The following CREB1 variants were observed in gnomAD, a reference collection of about 807,000 sequenced individuals.
The protein encoded by CREB1 is cyclic AMP-responsive element-binding protein 1.
In CREB1, 2 loss-of-function variants were observed where a neutral mutation model predicts 42.0. That is an observed-to-expected ratio of 0.05 (90% CI 0.02 to 0.15). The LOEUF (loss-of-function observed/expected upper bound fraction) is 0.15, where lower values mean the gene tolerates loss of function less well. Among genes scored for constraint, CREB1 ranks in the 10% least tolerant of loss-of-function variants. The pLI is 1.00. For missense variants in CREB1, 199 were observed against 388.9 expected, an observed-to-expected ratio of 0.51 and a Z score of 4.11; for synonymous variants, 123 against 139.9, an observed-to-expected ratio of 0.88 and a Z score of 0.85.
chr2:207,590,719 G>A (rs556243658), intron 7 of CREB1, among the ~76,000 whole-genome samples: 5 of 152,158 alleles, frequency 3.3e-5, no homozygotes, highest in East Asian at 1.9e-4. Flanking sequence ...CAACTCTGCC[G>A]TTGTAATACC....
intron 1 of CREB1, among the ~76,000 whole-genome samples, chr2:207,552,177 A>C (rs890267380): frequency 6.6e-6 from 1 of 152,166 alleles, no homozygotes; most frequent in Admixed American, 6.6e-5. Flanking sequence ...TGTTTTAAAA[A>C]GAAATATCGA....
At chr2:207,532,056 T>C (rs1198100981) in intron 1 of CREB1, among the ~76,000 whole-genome samples, 3 of 152,234 alleles carry the variant, frequency 2.0e-5, no homozygotes, top group Non-Finnish European at 4.4e-5. Flanking sequence ...TAGAATTTTT[T>C]TTCTTGTTAA....
intron 5 of CREB1, among the ~76,000 whole-genome samples, chr2:207,571,021 C>CTTTTTTTTT (rs1559044431): frequency 6.0e-5 from 1 of 16,684 alleles, no homozygotes; most frequent in Admixed American, 1.0e-3. Context: ...TCTCTTTTTC[C>CTTTTTTTTT]CTTTTTTTTT....
In CREB1 at chr2:207,544,933, G is replaced by A. The variant is rs535009864; in HGVS notation, c.-8-10695G>A. On this transcript the variant is annotated intron_variant, in intron 1 of 7. Transcript: ENST00000353267. ...TTATGGCTGCATAGTATTTCATGGT[G>A]TGTATGTACCACATTTTCTTTAGTC... Among the ~76,000 whole-genome samples, 5 of 152,318 alleles carry A rather than the reference G, an allele frequency of 3.3e-5. No individual in the cohort carries two copies. The East Asian group carries it at 9.6e-4, about 29-fold the overall frequency.
rs1246030944 is a variant in CREB1 at position 207,598,553 on chromosome 2, T to A, written c.*1495T>A. On this transcript the variant is annotated 3_prime_UTR_variant, in exon 8 of 8. Transcript: ENST00000353267. ...AAACTGACATAATGTTAGGTTATAA[T>A]TTCTCATTTGGAGCCGGGCGCAGTG... 5.6e-6 allele frequency: 1 copy of A among 178,062 alleles called. No individual in the cohort carries two copies. Among genetic ancestry groups the A allele is most frequent in the African/African-American group, 2.4e-5 (1 of 42,214 alleles). The allele number at this position is 178,062 out of a possible 1,614,324, so 11.0% of individuals were successfully genotyped here.
chr2:207,569,348 A>T (rs2082261730), intron 4 of CREB1, among the ~76,000 whole-genome samples: 1 of 152,146 alleles, frequency 6.6e-6, no homozygotes, highest in African/African-American at 2.4e-5. Context: ...ACAATTCCTT[A>T]TATCGGGATT....
chr2:207,598,643 T>G lies in CREB1; in HGVS notation c.*1585T>G, dbSNP rs1276649755. On this transcript the variant is annotated 3_prime_UTR_variant, in exon 8 of 8. Transcript: ENST00000353267. ...GGGTGGATCACCTGTGGTCAAGAGT[T>G]CAAGACCAGCCTGGCCATCATGGTG... 1 of 167,466 alleles carries G rather than the reference T, an allele frequency of 6.0e-6. No individual in the cohort carries two copies. The highest frequency in any genetic ancestry group is 2.4e-5 in the African/African-American group (1 of 41,892). 10.4% of individuals were successfully genotyped at this position (167,466 alleles called of 1,614,324 possible).
intron 4 of CREB1, among the ~76,000 whole-genome samples, chr2:207,568,765 A>C (rs939779188): frequency 6.6e-6 from 1 of 152,070 alleles, no homozygotes; most frequent in African/African-American, 2.4e-5. Context: ...TATGTTATTC[A>C]TTTGAAATAT....
chr2:207,564,510 TAAAAA>T (rs34127936), intron 3 of CREB1, among the ~76,000 whole-genome samples: 86 of 145,636 alleles, frequency 5.9e-4, no homozygotes, highest in Non-Finnish European at 9.5e-4. Flanking sequence ...TCCTGTCTCT[TAAAAA>T]AAAAAAATCT....
intron 7 of CREB1, among the ~76,000 whole-genome samples, chr2:207,584,746 T>C (rs2083520907): frequency 6.6e-6 from 1 of 152,242 alleles, no homozygotes; most frequent in African/African-American, 2.4e-5. Context: ...ATGTTTTCTT[T>C]GATGAAATGT....
At chr2:207,574,055 G>A (rs1436218618) in intron 5 of CREB1, among the ~76,000 whole-genome samples, 1 of 152,188 alleles carries the variant, frequency 6.6e-6, no homozygotes, top group Non-Finnish European at 1.5e-5. Context: ...GTATATGCCA[G>A]CATTTTAATT....
At position 207,602,628 on chromosome 2, in the gene CREB1, G is replaced by C. The variant is rs1443870200; in HGVS notation, c.*5570G>C. 4.7e-6 allele frequency: 1 copy of C among 212,096 alleles called. No individual in the cohort carries two copies. The highest frequency in any genetic ancestry group is 9.6e-6 in the Non-Finnish European group (1 of 104,670). 13.1% of individuals were successfully genotyped at this position (212,096 alleles called of 1,614,324 possible). ...TAATGATTTTATGTTTGTTGGCCAA[G>C]TGAAATGATCTATCATTGTGTTTGG... is the stretch of plus-strand genomic sequence containing the variant. On this transcript the variant is annotated 3_prime_UTR_variant, in exon 8 of 8. Coordinates refer to ENST00000353267, the MANE Select transcript of CREB1 (RefSeq NM_004379.5).
At chr2:207,560,739 T>A (rs2059336) in intron 3 of CREB1, among the ~76,000 whole-genome samples, 141,967 of 152,304 alleles carry the variant, frequency 0.93, 67,012 homozygotes, top group East Asian at 1. Context: ...GAGAAAAATA[T>A]ACCCTTGATC....
At position 207,597,294 on chromosome 2, in the gene CREB1, C is replaced by A; in HGVS notation, c.*236C>A. On this transcript the variant is annotated 3_prime_UTR_variant, in exon 8 of 8. Transcript: ENST00000353267. ...TTCAACGCCAGGAATCATGAAGAGA[C>A]TTCTGCTTTTCAACCCCCACCCTCC... 2.4e-6 allele frequency: 1 copy of A among 420,002 alleles called. No homozygotes were observed. The highest frequency in any genetic ancestry group is 4.2e-6 in the Non-Finnish European group (1 of 240,660). 26.0% of individuals were successfully genotyped at this position (420,002 alleles called of 1,614,324 possible). A position where few individuals can be genotyped will look rare whatever the true frequency, so the allele number is the denominator to read the frequency against.
intron 1 of CREB1, among the ~76,000 whole-genome samples, chr2:207,541,298 T>C (rs2081090524): frequency 6.6e-6 from 1 of 152,248 alleles, no homozygotes; most frequent in African/African-American, 2.4e-5. Flanking sequence ...GGCCTTCACA[T>C]TTCTCACACT....
intron 2 of CREB1, among the ~76,000 whole-genome samples, chr2:207,556,862 C>T (rs1304106328): frequency 4.6e-5 from 7 of 152,160 alleles, no homozygotes; most frequent in Non-Finnish European, 7.3e-5. Flanking sequence ...CTAGGCCGGG[C>T]GCTGTGGCTC....
rs2106644826 is a variant in CREB1 at position 207,603,246 on chromosome 2, A to C, written c.*6188A>C. On this transcript the variant is annotated 3_prime_UTR_variant, in exon 8 of 8. Transcript: ENST00000353267. ...ACAATGCATTTTATTAACACTATGT[A>C]CATAATAGCTGCTTTGTGTTCAGAA... The C allele has an allele frequency of 4.5e-6, 1 of 220,492 alleles. No homozygotes were observed. Among genetic ancestry groups the C allele is most frequent in the East Asian group, 6.7e-5 (1 of 14,868 alleles). The allele number at this position is 220,492 out of a possible 1,614,324, so 13.7% of individuals were successfully genotyped here. A position where few individuals can be genotyped will look rare whatever the true frequency, so the allele number is the denominator to read the frequency against.
At chr2:207,543,090 C>T (rs2081159917) in intron 1 of CREB1, among the ~76,000 whole-genome samples, 2 of 152,142 alleles carry the variant, frequency 1.3e-5, no homozygotes, top group Admixed American at 1.3e-4. Context: ...AAATATCCTC[C>T]CATATACTTT....
rs972944697 is a variant in CREB1 at position 207,582,130 on chromosome 2, A to G, written c.839+4475A>G. On this transcript the variant is annotated intron_variant, in intron 7 of 7. Coordinates refer to ENST00000353267, the MANE Select transcript of CREB1 (RefSeq NM_004379.5). ...CCATTTTTCTCTTTGTCCAGCCCAT[A>G]TTCAAGGGGAGGAGAATTAAATTCC... 14 of 702,850 alleles carry G rather than the reference A, an allele frequency of 2.0e-5. No homozygotes were observed. The East Asian group carries it at 2.4e-4, about 12-fold the overall frequency. The allele number at this position is 702,850 out of a possible 1,614,324, so 43.5% of individuals were successfully genotyped here.
Sources: gnomAD v4.1 joint callset for allele counts (sites outside exome capture counted in the v4.1 genomes callset) on GRCh38, gnomAD v4.1.1 for gene constraint, MANE v1.5 for transcripts, NCBI Gene and HGNC (gene_info 2026-07-23, HGNC 2026-07-21) for gene names.